Variants in LIMCH1 observed in about 807,000 individuals in gnomAD.
LIMCH1 encodes the protein LIM and calponin homology domains 1.
LIMCH1 carries 113 observed loss-of-function variants against 176.5 expected under a neutral mutation model. The observed-to-expected ratio is 0.64, with a 90% confidence interval of 0.55 to 0.75. The LOEUF is 0.75. Ranked by LOEUF, LIMCH1 falls within the 30% of genes least tolerant of loss-of-function variation. The pLI is 0.00. For missense variants in LIMCH1, 1,674 were observed against 1,814.9 expected, an observed-to-expected ratio of 0.92 and a Z score of 1.41; for synonymous variants, 619 against 645.9, an observed-to-expected ratio of 0.96 and a Z score of 0.63.
intron 1 of LIMCH1, among the ~76,000 whole-genome samples, chr4:41,386,971 G>A (rs1218756315): frequency 6.6e-6 from 1 of 152,160 alleles, no homozygotes; most frequent in East Asian, 1.9e-4. Context: ...GCAGCTTTTG[G>A]TTGTTAGGAA....
At chr4:41,660,680 T>C (rs2094588442) in intron 18 of LIMCH1, among the ~76,000 whole-genome samples, 1 of 152,164 alleles carries the variant, frequency 6.6e-6, no homozygotes, top group Admixed American at 6.5e-5. Context: ...CCATTGACCC[T>C]AGAGGTGAAA....
intron 6 of LIMCH1, chr4:41,619,659 A>G (rs1274804437): frequency 5.1e-6 from 3 of 591,882 alleles, no homozygotes; most frequent in African/African-American, 3.7e-5. Flanking sequence ...GTAGGTATTC[A>G]GCAACTACTT....
intron 1 of LIMCH1, among the ~76,000 whole-genome samples, chr4:41,422,895 T>A (rs2060739286): frequency 6.6e-6 from 1 of 152,162 alleles, no homozygotes; most frequent in Non-Finnish European, 1.5e-5. Context: ...GGAGCTGGGA[T>A]TGCAGGTGTG....
intron 1 of LIMCH1, among the ~76,000 whole-genome samples, chr4:41,387,372 C>A (rs2056638982): frequency 6.6e-6 from 1 of 152,188 alleles, no homozygotes; most frequent in Non-Finnish European, 1.5e-5. Context: ...ATTATAAATA[C>A]ATTTATTTTA....
chr4:41,436,756 A>AT (rs935327325), intron 1 of LIMCH1, among the ~76,000 whole-genome samples: 2 of 152,028 alleles, frequency 1.3e-5, no homozygotes, highest in Admixed American at 1.3e-4. Flanking sequence ...GGAAACTAGG[A>AT]TTTTGTCAGC....
chr4:41,569,759 A>G (rs2083275238), intron 1 of LIMCH1, among the ~76,000 whole-genome samples: 1 of 152,206 alleles, frequency 6.6e-6, no homozygotes, highest in African/African-American at 2.4e-5. Context: ...GAAACATAAT[A>G]AGGACTCCAA....
chr4:41,646,374 A>G (rs2094059633), intron 16 of LIMCH1, 94 bp downstream of exon 16: 3 of 1,506,740 alleles, frequency 2.0e-6, no homozygotes, highest in Non-Finnish European at 2.7e-6. Flanking sequence ...TTCTGATAGT[A>G]ACATTTTATA....
chr4:41,532,328 T>A (rs1439654624), intron 3 of LIMCH1, among the ~76,000 whole-genome samples: 2 of 152,188 alleles, frequency 1.3e-5, no homozygotes, highest in African/African-American at 4.8e-5. Flanking sequence ...TTGTAAAAAA[T>A]GTACAGGTCA....
intron 1 of LIMCH1, among the ~76,000 whole-genome samples, chr4:41,489,894 T>C (rs1026517095): frequency 6.6e-6 from 1 of 152,186 alleles, no homozygotes; most frequent in Non-Finnish European, 1.5e-5. Context: ...ATCAATAACA[T>C]AGTCAATTAA....
intron 1 of LIMCH1, among the ~76,000 whole-genome samples, chr4:41,481,955 A>C (rs958957175): frequency 3.3e-5 from 5 of 151,528 alleles, no homozygotes; most frequent in African/African-American, 7.3e-5. Context: ...GGTTCAAGCG[A>C]TTCTTCTGCC....
intron 1 of LIMCH1, among the ~76,000 whole-genome samples, chr4:41,426,014 A>ATTTT (rs1488196322): frequency 3.1e-5 from 4 of 129,902 alleles, no homozygotes; most frequent in African/African-American, 1.2e-4. Context: ...GAGTGAAAAG[A>ATTTT]TTCTTTTTTT....
chr4:41,599,248 T>C, intron 2 of LIMCH1: 3 of 375,044 alleles, frequency 8.0e-6, no homozygotes, highest in African/African-American at 2.1e-5. Context: ...AATTCTTGCA[T>C]ATAGAGTTTG....
chr4:41,448,719 G>T (rs2063529032), intron 1 of LIMCH1, among the ~76,000 whole-genome samples: 1 of 152,108 alleles, frequency 6.6e-6, no homozygotes, highest in Non-Finnish European at 1.5e-5. Flanking sequence ...GTACCCTTTA[G>T]TTATCATTTC....
chr4:41,608,748 T>C (rs1156285564), intron 4 of LIMCH1, among the ~76,000 whole-genome samples: 1 of 152,076 alleles, frequency 6.6e-6, no homozygotes, highest in Admixed American at 6.6e-5. Context: ...GAAAAGTCCT[T>C]CCAAAGGAAG....
intron 18 of LIMCH1, among the ~76,000 whole-genome samples, 160 bp downstream of exon 18, chr4:41,650,768 A>T (rs1338538570): frequency 6.6e-6 from 1 of 152,166 alleles, no homozygotes; most frequent in African/African-American, 2.4e-5. Flanking sequence ...TGGCTTAAAC[A>T]ACAGAAACTG....
intron 18 of LIMCH1, among the ~76,000 whole-genome samples, chr4:41,654,865 TATTTCAGGGGTTTTGTTC>T (rs2094420126): frequency 1.3e-5 from 2 of 152,134 alleles, no homozygotes; most frequent in Admixed American, 6.5e-5. Context: ...ATCCCTGAGA[TATTTCAGGGGTTTTGTTC>T]ATTTCAGCAT....
chr4:41,691,719 T>G (rs2153085867), intron 30 of LIMCH1, among the ~76,000 whole-genome samples: 1 of 152,038 alleles, frequency 6.6e-6, no homozygotes, highest in South Asian at 2.1e-4. Flanking sequence ...GCTGAGATCA[T>G]GCCATTGCAC....
intron 9 of LIMCH1, 72 bp from the exon 10 acceptor site, chr4:41,631,076 T>G (rs965079664): frequency 1.2e-4 from 150 of 1,254,512 alleles, no homozygotes; most frequent in South Asian, 1.6e-4. Context: ...TTTTTTTTTT[T>G]GTTTTTTTTT....
chr4:41,367,821 C>G (rs1050095828), intron 1 of LIMCH1, among the ~76,000 whole-genome samples: 1 of 147,878 alleles, frequency 6.8e-6, no homozygotes, highest in African/African-American at 2.5e-5. Flanking sequence ...GAGCCAAAAT[C>G]GCGCCACTGC....
Sources: allele counts gnomAD v4.1 joint callset (sites outside exome capture counted in the v4.1 genomes callset), GRCh38; gene constraint gnomAD v4.1.1; transcripts MANE v1.5; gene names NCBI Gene and HGNC (gene_info 2026-07-23, HGNC 2026-07-21).